FAM184A: variants seen among roughly 807,000 people sequenced by gnomAD.
FAM184A encodes the protein protein FAM184A.
In FAM184A, 99 loss-of-function variants were observed where a neutral mutation model predicts 143.8. The ratio of observed to expected loss-of-function variants is 0.69; its 90% CI spans 0.58 to 0.81. The LOEUF (loss-of-function observed/expected upper bound fraction) is 0.81, where lower values mean the gene tolerates loss of function less well. Among genes scored for constraint, FAM184A ranks in the 40% least tolerant of loss-of-function variants. The pLI is 0.00. For missense variants in FAM184A, 1,217 were observed against 1,310.5 expected, an observed-to-expected ratio of 0.93 and a Z score of 1.10; for synonymous variants, 427 against 446.4, an observed-to-expected ratio of 0.96 and a Z score of 0.55.
Position 119,024,730 on chromosome 6 carries a change from T to G in FAM184A, c.243A>C (p.Gln81His), listed in dbSNP as rs1785570358. ...ALKDAHEEEI[Q>H]QILAETREKI... ...TTTCTCTTGTTTCAGCAAGAATTTG[T>G]TGAATTTCTTCTTCATGAGCATCTT... The change falls in exon 2 of 18, where the codon CAA becomes CAC. Residue 81 changes from glutamine to histidine, a missense_variant. Coordinates refer to ENST00000338891, the MANE Select transcript of FAM184A (RefSeq NM_024581.6). 6.2e-7 allele frequency: 1 copy of G among 1,613,660 alleles called. No homozygotes were observed. The highest frequency in any genetic ancestry group is 8.5e-7 in the Non-Finnish European group (1 of 1,179,850).
intron 1 of FAM184A, among the ~76,000 whole-genome samples, chr6:119,094,034 T>TCC (rs1488016356): frequency 9.1e-5 from 11 of 121,392 alleles, no homozygotes; most frequent in Admixed American, 7.6e-4. Context: ...CTTCTTTCCT[T>TCC]TCTTCCTTCC....
chr6:119,066,731 G>A (rs1225550181), intron 1 of FAM184A, among the ~76,000 whole-genome samples: 1 of 152,176 alleles, frequency 6.6e-6, no homozygotes, highest in Non-Finnish European at 1.5e-5. Flanking sequence ...GATCACAGTA[G>A]TACTCTTAAC....
chr6:119,135,381 A>G (rs1301014709), intron 1 of FAM184A, among the ~76,000 whole-genome samples: 2 of 152,186 alleles, frequency 1.3e-5, no homozygotes, highest in Non-Finnish European at 2.9e-5. Context: ...GCTCTAAAGA[A>G]TTGGTAATGC....
At position 119,024,220 on chromosome 6, in the gene FAM184A, C is replaced by G; in HGVS notation, c.753G>C (p.Lys251Asn). 1 of 1,614,214 alleles carries G rather than the reference C, an allele frequency of 6.2e-7. No homozygotes were observed. The highest frequency in any genetic ancestry group is 8.5e-7 in the Non-Finnish European group (1 of 1,180,034). Residue 251 changes from lysine (K) to asparagine (N), a missense_variant, in exon 2 of 18, where the codon AAG (lysine) becomes AAC (asparagine). Coordinates refer to ENST00000338891, the MANE Select transcript of FAM184A (RefSeq NM_024581.6). ...RKKLIEDYEGKLNKAQSFYER... is the reference protein window; with the variant it reads ...RKKLIEDYEGNLNKAQSFYER... ...CATAAAAGGACTGAGCTTTATTCAACTTGCCTTCATAATCCTCAATTAGTT... is the reference window on the plus strand; with the variant it reads ...CATAAAAGGACTGAGCTTTATTCAAGTTGCCTTCATAATCCTCAATTAGTT...
Position 118,974,644 on chromosome 6 carries a change from A to G in FAM184A, c.2769-70T>C, listed in dbSNP as rs535671566. 6 of 1,319,880 alleles carry G rather than the reference A, an allele frequency of 4.5e-6. No homozygotes were observed. The Admixed American group carries it at 1.2e-4, about 25-fold the overall frequency. 81.8% of individuals were successfully genotyped at this position (1,319,880 alleles called of 1,614,324 possible). A position where few individuals can be genotyped will look rare whatever the true frequency, so the allele number is the denominator to read the frequency against. ...AGCTTTCAAAACTTTCTATTATTCTACCAGATTTGAAATGGTTTTTGGTAT... is the reference window on the plus strand; with the variant it reads ...AGCTTTCAAAACTTTCTATTATTCTGCCAGATTTGAAATGGTTTTTGGTAT... On this transcript the variant is annotated intron_variant, in intron 13 of 17. Transcript: ENST00000338891.
chr6:118,962,252 G>C (rs1783354556), intron 16 of FAM184A: 1 of 370,620 alleles, frequency 2.7e-6, no homozygotes, highest in Non-Finnish European at 5.0e-6. Context: ...GAGTGCCAAG[G>C]GGTAAAGAAT....
intron 1 of FAM184A, among the ~76,000 whole-genome samples, chr6:119,125,824 C>T (rs957927202): frequency 6.6e-6 from 1 of 152,166 alleles, no homozygotes; most frequent in African/African-American, 2.4e-5. Context: ...AGCAAGCCAG[C>T]AAGTGGAGGA....
intron 1 of FAM184A, among the ~76,000 whole-genome samples, chr6:119,145,795 G>A (rs1772406226): frequency 6.6e-6 from 1 of 152,176 alleles, no homozygotes; most frequent in African/African-American, 2.4e-5. Flanking sequence ...AATATTTATT[G>A]TTTATCATAT....
intron 6 of FAM184A, chr6:119,009,601 AAACAG>A (rs1785030078): frequency 6.6e-6 from 1 of 152,410 alleles, no homozygotes; most frequent in Non-Finnish European, 1.5e-5. Flanking sequence ...CAGCAGCATG[AAACAG>A]ACTAATACCA....
At chr6:118,964,011 T>G (rs1024494658) in intron 16 of FAM184A, 1 of 151,892 alleles carries the variant, frequency 6.6e-6, no homozygotes, top group Non-Finnish European at 1.5e-5. Context: ...TCAAAATAAG[T>G]CATACTCAAT....
chr6:118,966,042 C>G (rs1413576716), intron 15 of FAM184A, among the ~76,000 whole-genome samples: 2 of 152,178 alleles, frequency 1.3e-5, no homozygotes, highest in Non-Finnish European at 2.9e-5. Context: ...TACCTGTGAT[C>G]CCCAATCTGC....
intron 1 of FAM184A, among the ~76,000 whole-genome samples, chr6:119,047,633 T>C (rs139533244): frequency 2.6e-5 from 4 of 152,182 alleles, no homozygotes; most frequent in South Asian, 2.1e-4. Context: ...CTAGAAGAGA[T>C]GGACAAATTC....
chr6:119,067,125 G>C (rs1380815308), intron 1 of FAM184A, among the ~76,000 whole-genome samples: 1 of 152,110 alleles, frequency 6.6e-6, no homozygotes, highest in Non-Finnish European at 1.5e-5. Flanking sequence ...TTCAAGTTTA[G>C]ATCTTGAAGA....
At chr6:118,967,197 T>TAA (rs1783527727) in intron 14 of FAM184A, among the ~76,000 whole-genome samples, 1 of 152,204 alleles carries the variant, frequency 6.6e-6, no homozygotes, top group Non-Finnish European at 1.5e-5. Flanking sequence ...TCACTCATTT[T>TAA]AAGTCATTCC....
chr6:118,990,625 G>T (rs993141728), intron 9 of FAM184A, among the ~76,000 whole-genome samples: 1 of 151,994 alleles, frequency 6.6e-6, no homozygotes, highest in African/African-American at 2.4e-5. Flanking sequence ...CAGCACTCTG[G>T]GAGGCCGAAG....
At chr6:119,133,568 G>A (rs1404660647) in intron 1 of FAM184A, among the ~76,000 whole-genome samples, 1 of 152,026 alleles carries the variant, frequency 6.6e-6, no homozygotes, top group African/African-American at 2.4e-5. Flanking sequence ...GCGGTAAGTT[G>A]GGCCTTTGTA....
rs1460902077 is a variant in FAM184A, at chr6:119,016,840, A to T, written c.1437T>A (p.His479Gln). 1 of 1,614,006 alleles carries T rather than the reference A, an allele frequency of 6.2e-7. No homozygotes were observed. Among genetic ancestry groups the T allele is most frequent in the Non-Finnish European group, 8.5e-7 (1 of 1,179,972 alleles). Residue 479 changes from histidine (H) to glutamine (Q), a missense_variant, in exon 5 of 18, where the codon CAT (histidine) becomes CAA (glutamine). Physicochemically the swap from His to Gln is conservative, Grantham distance 24. Coordinates refer to ENST00000338891, the MANE Select transcript of FAM184A (RefSeq NM_024581.6). Reference protein sequence around the residue: ...EEEVTQLNEAHSKTLEELAWK... With the variant: ...EEEVTQLNEAQSKTLEELAWK... ...AAGCTAATTCTTCCAAAGTCTTAGA[A>T]TGGGCCTCGTTTAATTGAGTCACCT...
chr6:119,135,038 T>C (rs1419636345), intron 1 of FAM184A, among the ~76,000 whole-genome samples: 1 of 152,230 alleles, frequency 6.6e-6, no homozygotes, highest in Non-Finnish European at 1.5e-5. Flanking sequence ...TTCGTACATA[T>C]GCACTAGAAA....
At chr6:119,123,848 A>G (rs597392) in intron 1 of FAM184A, among the ~76,000 whole-genome samples, 139,009 of 152,284 alleles carry the variant, frequency 0.91, 63,513 homozygotes, top group East Asian at 1. Context: ...AAATATATTC[A>G]GAAACATTTG....
Sources: gnomAD v4.1 joint callset for allele counts (sites outside exome capture counted in the v4.1 genomes callset) on GRCh38, gnomAD v4.1.1 for gene constraint, MANE v1.5 for transcripts, NCBI Gene and HGNC (gene_info 2026-07-23, HGNC 2026-07-21) for gene names.